PTPRD: variants seen among roughly 807,000 people sequenced by gnomAD.
PTPRD encodes the protein receptor-type tyrosine-protein phosphatase delta.
Under a neutral mutation model 214.5 loss-of-function variants are expected in PTPRD, and 34 were observed. The observed-to-expected ratio is 0.16, with a 90% CI of 0.12 to 0.21. PTPRD has a LOEUF of 0.21. Ranked by LOEUF, PTPRD falls within the 10% of genes least tolerant of loss-of-function variation. The pLI is 1.00. For missense variants in PTPRD, 2,545 were observed against 2,398.7 expected (o/e 1.06, Z -1.27); for synonymous variants, 1,128 against 845.7 (o/e 1.33, Z -5.79).
chr9:9,418,453 T>A (rs2077635368), intron 8 of PTPRD, among the ~76,000 whole-genome samples: 1 of 151,998 alleles, frequency 6.6e-6, no homozygotes, highest in Non-Finnish European at 1.5e-5. Flanking sequence ...TGAAGATTAA[T>A]CTTCAGTGAG....
At chr9:9,141,710 TA>T (rs1204250857) in intron 10 of PTPRD, among the ~76,000 whole-genome samples, 2 of 150,470 alleles carry the variant, frequency 1.3e-5, no homozygotes, top group East Asian at 3.9e-4. Context: ...ATAAATATAT[TA>T]TCTGGTATAT....
chr9:8,629,023 C>T (rs1475493609), intron 14 of PTPRD, among the ~76,000 whole-genome samples: 1 of 151,478 alleles, frequency 6.6e-6, no homozygotes, highest in Non-Finnish European at 1.5e-5. Flanking sequence ...TGAGAACAGC[C>T]CAGTCTAAAA....
intron 9 of PTPRD, among the ~76,000 whole-genome samples, chr9:9,297,778 A>G (rs1953656102): frequency 6.6e-6 from 1 of 151,660 alleles, no homozygotes; most frequent in Admixed American, 6.6e-5. Context: ...AGGTAGAAAG[A>G]TGAGAGTAAG....
intron 11 of PTPRD, among the ~76,000 whole-genome samples, chr9:8,992,210 C>G (rs181398962): frequency 1.3e-5 from 2 of 152,258 alleles, no homozygotes; most frequent in East Asian, 3.9e-4. Context: ...TCTAAAATGT[C>G]AAGTGTAAAC....
intron 8 of PTPRD, among the ~76,000 whole-genome samples, chr9:9,491,898 A>G (rs2095917255): frequency 6.6e-6 from 1 of 152,016 alleles, no homozygotes; most frequent in African/African-American, 2.4e-5. Flanking sequence ...AGTAAAGAGC[A>G]GAGATCAATG....
intron 3 of PTPRD, among the ~76,000 whole-genome samples, chr9:10,318,083 A>C (rs1043951140): frequency 6.6e-6 from 1 of 152,028 alleles, no homozygotes; most frequent in Admixed American, 6.6e-5. Context: ...TCAAACTTAC[A>C]AACTTTGGCT....
intron 3 of PTPRD, among the ~76,000 whole-genome samples, chr9:10,178,091 T>G (rs1211994586): frequency 6.6e-6 from 1 of 151,904 alleles, no homozygotes; most frequent in Non-Finnish European, 1.5e-5. Flanking sequence ...TAGACTGCAT[T>G]AGTGAGCAAT....
At chr9:8,797,580 T>A (rs1384415512) in intron 11 of PTPRD, among the ~76,000 whole-genome samples, 2 of 152,190 alleles carry the variant, frequency 1.3e-5, no homozygotes, top group Non-Finnish European at 2.9e-5. Context: ...TTATCAAACA[T>A]CCCACTATCC....
chr9:10,135,886 T>C (rs761736276), intron 3 of PTPRD, among the ~76,000 whole-genome samples: 2 of 150,790 alleles, frequency 1.3e-5, no homozygotes, highest in Non-Finnish European at 3.0e-5. Flanking sequence ...TCAACATTAA[T>C]CTTGATGGAA....
chr9:9,581,185 A>T (rs937950372), intron 7 of PTPRD, among the ~76,000 whole-genome samples: 9 of 152,140 alleles, frequency 5.9e-5, no homozygotes, highest in Non-Finnish European at 1.2e-4. Context: ...AATTATAATT[A>T]ATTTTAGATA....
chr9:8,364,239 A>G (rs1221319864), intron 39 of PTPRD, among the ~76,000 whole-genome samples: 1 of 152,240 alleles, frequency 6.6e-6, no homozygotes, highest in Non-Finnish European at 1.5e-5. Flanking sequence ...GGAATCAAGA[A>G]GGTCATTTAC....
intron 12 of PTPRD, chr9:8,713,739 G>A: frequency 6.6e-7 from 1 of 1,506,938 alleles, no homozygotes; most frequent in East Asian, 2.3e-5. Flanking sequence ...AGGCTGTCAA[G>A]CAGTTCCACG....
chr9:9,984,401 A>G (rs2095639871), intron 4 of PTPRD, among the ~76,000 whole-genome samples: 1 of 152,212 alleles, frequency 6.6e-6, no homozygotes, highest in Non-Finnish European at 1.5e-5. Flanking sequence ...TTCAGACCTT[A>G]TTGGAGAAGA....
At chr9:9,828,888 A>C (rs1029861913) in intron 5 of PTPRD, among the ~76,000 whole-genome samples, 3 of 151,908 alleles carry the variant, frequency 2.0e-5, no homozygotes, top group Non-Finnish European at 2.9e-5. Flanking sequence ...ATTTAACTCT[A>C]TCTTTATATA....
intron 8 of PTPRD, among the ~76,000 whole-genome samples, chr9:9,511,364 C>T (rs2096704734): frequency 6.6e-6 from 1 of 151,672 alleles, no homozygotes; most frequent in Non-Finnish European, 1.5e-5. Context: ...CAGCTGTTGT[C>T]TTTAAGCACA....
At chr9:8,748,556 A>G (rs1243420474) in intron 11 of PTPRD, among the ~76,000 whole-genome samples, 2 of 151,204 alleles carry the variant, frequency 1.3e-5, no homozygotes, top group Non-Finnish European at 2.9e-5. Context: ...AGAAAAAGAA[A>G]AAGAAAATGC....
At chr9:9,142,921 G>A (rs936343091) in intron 10 of PTPRD, among the ~76,000 whole-genome samples, 9 of 151,978 alleles carry the variant, frequency 5.9e-5, no homozygotes, top group African/African-American at 1.5e-4. Context: ...TCAACCCCTA[G>A]GGAACACAGT....
At position 10,472,167 on chromosome 9, in the gene PTPRD, T is replaced by C. The variant is rs148713523; in HGVS notation, c.-599-131150A>G. On this transcript the variant is annotated intron_variant, in intron 2 of 45. Coordinates refer to ENST00000381196, the MANE Select transcript of PTPRD (RefSeq NM_002839.4). ...TAAATGAACTATTTGTCCAAGTCCT[T>C]ATTTAAAAGGTGTTAGAATAAGTCT... Among the ~76,000 whole-genome samples the C allele has an allele frequency of 3.3e-5, 5 of 152,274 alleles. No homozygotes were observed. In the East Asian group the frequency reaches 9.6e-4, roughly 29 times the overall value.
intron 5 of PTPRD, among the ~76,000 whole-genome samples, chr9:9,840,918 G>C (rs527677485): frequency 6.6e-6 from 1 of 151,966 alleles, no homozygotes; most frequent in East Asian, 1.9e-4. Context: ...GCAGATCCTG[G>C]GATCTGTACT....
Sources: gnomAD v4.1 joint callset for allele counts (sites outside exome capture counted in the v4.1 genomes callset) on GRCh38, gnomAD v4.1.1 for gene constraint, MANE v1.5 for transcripts, NCBI Gene and HGNC (gene_info 2026-07-23, HGNC 2026-07-21) for gene names.